CCDC18: variants seen among roughly 807,000 people sequenced by gnomAD.
CCDC18 encodes the protein coiled-coil domain containing 18.
A neutral mutation model predicts 196.0 loss-of-function variants in CCDC18; 157 were observed. The ratio of observed to expected loss-of-function variants is 0.80; its 90% CI spans 0.70 to 0.91. The LOEUF (loss-of-function observed/expected upper bound fraction) is 0.91. Among genes scored for constraint, CCDC18 ranks in the 40% least tolerant of loss-of-function variants. CCDC18 has a pLI of 0.00. For synonymous variants in CCDC18, 482 were observed against 529.2 expected (o/e 0.91, Z 1.22); for missense variants, 1,465 against 1,611.6 (o/e 0.91, Z 1.56).
At chr1:93,187,797 C>G (rs1650973180) in intron 4 of CCDC18, among the ~76,000 whole-genome samples, 1 of 152,124 alleles carries the variant, frequency 6.6e-6, no homozygotes, top group Non-Finnish European at 1.5e-5. Context: ...GTTTTTCAAG[C>G]ATTTACATTT....
chr1:93,217,693 C>G (rs757828733), intron 13 of CCDC18, 45 bp from the exon 14 acceptor site: 2 of 1,522,978 alleles, frequency 1.3e-6, no homozygotes, highest in Non-Finnish European at 1.8e-6. Flanking sequence ...CCTGCCTTGG[C>G]CTCCCAAATC....
At chr1:93,217,062 G>A (rs1427969569) in intron 13 of CCDC18, among the ~76,000 whole-genome samples, 2 of 151,030 alleles carry the variant, frequency 1.3e-5, no homozygotes, top group Non-Finnish European at 2.9e-5. Flanking sequence ...AGCCTCCCGA[G>A]TAGCTGGGAC....
In CCDC18 at chr1:93,207,164, A is replaced by G; in HGVS notation, c.975A>G (p.Lys325=). 6.2e-7 allele frequency: 1 copy of G among 1,600,396 alleles called. No homozygotes were observed. Among genetic ancestry groups the G allele is most frequent in the Non-Finnish European group, 8.5e-7 (1 of 1,170,194 alleles). The change falls in exon 9 of 29, where the codon AAA becomes AAG. Residue 325 remains lysine (K), a synonymous_variant. Transcript: ENST00000690025. ...AAAAATTAAGGATCATGGCAGTGAA[A>G]AATTCAGAAGTCATGGCACAACTAA... The part of the protein sequence containing the change: ...GKEKLRIMAV[K]NSEVMAQLTE...
At chr1:93,247,556 C>T (rs1330502050) in intron 23 of CCDC18, among the ~76,000 whole-genome samples, 3 of 152,014 alleles carry the variant, frequency 2.0e-5, no homozygotes, top group Non-Finnish European at 4.4e-5. Context: ...GCTGGGACTA[C>T]AGGCGTGCAC....
chr1:93,188,637 CTT>C (rs1478646289), intron 4 of CCDC18, among the ~76,000 whole-genome samples: 1 of 152,086 alleles, frequency 6.6e-6, no homozygotes, highest in Non-Finnish European at 1.5e-5. Context: ...CATGTAATCT[CTT>C]TTTTCCCCCC....
intron 23 of CCDC18, among the ~76,000 whole-genome samples, chr1:93,251,115 T>G (rs1337970812): frequency 6.6e-6 from 1 of 152,198 alleles, no homozygotes; most frequent in Non-Finnish European, 1.5e-5. Context: ...TTAGTGTATC[T>G]CTCACAGGTT....
At chr1:93,207,885 TA>T (rs1451740105) in intron 9 of CCDC18, among the ~76,000 whole-genome samples, 2 of 152,230 alleles carry the variant, frequency 1.3e-5, no homozygotes, top group East Asian at 3.8e-4. Flanking sequence ...TGAACTCGTA[TA>T]ATATGTGCTC....
chr1:93,258,214 C>T (rs74101470), intron 25 of CCDC18, among the ~76,000 whole-genome samples: 13,558 of 151,796 alleles, frequency 0.089, 1,989 homozygotes, highest in African/African-American at 0.31. Context: ...AATTGGATAG[C>T]AAAATGTTCA....
At chr1:93,266,560 GAAGAA>G (rs1409201819) in intron 27 of CCDC18, among the ~76,000 whole-genome samples, 10 of 151,990 alleles carry the variant, frequency 6.6e-5, no homozygotes, top group African/African-American at 2.4e-4. Flanking sequence ...GACTAATAAA[GAAGAA>G]AAGAGAGAAG....
At chr1:93,240,646 A>G (rs1660643419) in intron 21 of CCDC18, among the ~76,000 whole-genome samples, 1 of 152,184 alleles carries the variant, frequency 6.6e-6, no homozygotes, top group African/African-American at 2.4e-5. Flanking sequence ...CTGTATCCAC[A>G]AACTCATCCT....
chr1:93,266,713 C>T (rs767118829), intron 27 of CCDC18, among the ~76,000 whole-genome samples: 9 of 152,122 alleles, frequency 5.9e-5, no homozygotes, highest in East Asian at 1.9e-4. Context: ...ATAAAGTCCT[C>T]GACACATACA....
chr1:93,189,135 C>G (rs1326273439), intron 4 of CCDC18, among the ~76,000 whole-genome samples: 2 of 152,160 alleles, frequency 1.3e-5, no homozygotes, highest in East Asian at 3.8e-4. Context: ...ACTGCCCTTC[C>G]CGGCCTCTGG....
intron 16 of CCDC18, among the ~76,000 whole-genome samples, chr1:93,224,739 A>C (rs1222154789): frequency 6.6e-6 from 1 of 152,244 alleles, no homozygotes; most frequent in Non-Finnish European, 1.5e-5. Context: ...ATAACCTTAT[A>C]ATCAATGGCT....
chr1:93,229,279 T>G (rs1156550555), intron 17 of CCDC18, among the ~76,000 whole-genome samples: 3 of 152,276 alleles, frequency 2.0e-5, no homozygotes, highest in South Asian at 4.1e-4. Flanking sequence ...AAAGGTCATC[T>G]GTCACATGTT....
intron 26 of CCDC18, among the ~76,000 whole-genome samples, chr1:93,259,351 T>C (rs1248613041): frequency 2.6e-5 from 4 of 152,224 alleles, no homozygotes; most frequent in Non-Finnish European, 5.9e-5. Flanking sequence ...GAGATAATAC[T>C]AGAGCCTTTT....
intron 26 of CCDC18, among the ~76,000 whole-genome samples, chr1:93,260,164 T>G (rs1342656698): frequency 6.6e-6 from 1 of 152,032 alleles, no homozygotes; most frequent in East Asian, 1.9e-4. Flanking sequence ...CAGGTGGATC[T>G]CTTGAGGTCA....
At chr1:93,255,794 G>GAAGAAA (rs1662885154) in intron 24 of CCDC18, among the ~76,000 whole-genome samples, 2 of 151,686 alleles carry the variant, frequency 1.3e-5, no homozygotes, top group South Asian at 4.2e-4. Context: ...GGAAGAAGAA[G>GAAGAAA]GAGGGGGGAG....
At chr1:93,236,855 A>G (rs1053031152) in intron 19 of CCDC18, among the ~76,000 whole-genome samples, 1 of 152,200 alleles carries the variant, frequency 6.6e-6, no homozygotes, top group East Asian at 1.9e-4. Flanking sequence ...GTAAAAAAAC[A>G]TACTGATGAC....
chr1:93,254,576 A>G lies in CCDC18; in HGVS notation c.3304A>G (p.Ile1102Val). Residue 1102 changes from isoleucine to valine, a missense_variant, in exon 24 of 29, where the codon ATT becomes GTT. Coordinates refer to ENST00000690025, the MANE Select transcript of CCDC18 (RefSeq NM_001378204.1). ...GGAGATAAGTCAACTGAAAAAAGAAATTGAAAGAACACAACAAAGGATGAA... is the reference window on the plus strand; with the variant it reads ...GGAGATAAGTCAACTGAAAAAAGAAGTTGAAAGAACACAACAAAGGATGAA... ...EQEISQLKKE[I>V]ERTQQRMKEM... The G allele has an allele frequency of 6.2e-7, 1 of 1,611,278 alleles. No homozygotes were observed. The highest frequency in any genetic ancestry group is 8.5e-7 in the Non-Finnish European group (1 of 1,178,970).
Sources: allele counts gnomAD v4.1 joint callset (sites outside exome capture counted in the v4.1 genomes callset), GRCh38; gene constraint gnomAD v4.1.1; transcripts MANE v1.5; gene names NCBI Gene and HGNC (gene_info 2026-07-23, HGNC 2026-07-21).